RNF150: variants seen among roughly 807,000 people sequenced by gnomAD.
RNF150 encodes the protein ring finger protein 150.
Under a neutral mutation model 39.3 loss-of-function variants are expected in RNF150, and 24 were observed. The ratio of observed to expected loss-of-function variants is 0.61; its 90% CI spans 0.44 to 0.86. The LOEUF (loss-of-function observed/expected upper bound fraction) is 0.86, where lower values mean the gene tolerates loss of function less well. Ranked by LOEUF, RNF150 falls within the 40% of genes least tolerant of loss-of-function variation. The pLI, the probability that RNF150 is intolerant of heterozygous loss-of-function variation, is 0.00. For synonymous variants in RNF150, 255 were observed against 227.3 expected (o/e 1.12, Z -1.10); for missense variants, 502 against 587.8 (o/e 0.85, Z 1.51).
Position 141,073,564 on chromosome 4 carries a change from A to G in RNF150, c.484+58761T>C, listed in dbSNP as rs1737784009. Among the ~76,000 whole-genome samples, 5 of 152,194 alleles carry G rather than the reference A, an allele frequency of 3.3e-5. No individual in the cohort carries two copies. The South Asian group carries it at 1.0e-3, about 32-fold the overall frequency. ...AGGAAGGACTATGTCATTCGCTATT[A>G]CTTACTACTCACAATACTTATTATT... On this transcript the variant is annotated intron_variant, in intron 1 of 6. Transcript: ENST00000515673.
chr4:140,871,765 TTCCA>T lies in RNF150; in HGVS notation c.1199-3390_1199-3387del, dbSNP rs1728955403. Among the ~76,000 whole-genome samples, 3 of 152,348 alleles carry T rather than the reference TTCCA, an allele frequency of 2.0e-5. No homozygotes were observed. In the South Asian group the frequency reaches 6.2e-4, roughly 32 times the overall value. On this transcript the variant is annotated intron_variant, in intron 6 of 6. Coordinates refer to ENST00000515673, the MANE Select transcript of RNF150 (RefSeq NM_020724.2). ...CTTTGCAGCCACCAGCCTCAGCAGATTCCATAGATTCATTCACACCTTGGTTTTT... is the reference window on the plus strand; with the variant it reads ...CTTTGCAGCCACCAGCCTCAGCAGATTAGATTCATTCACACCTTGGTTTTT...
At chr4:141,029,934 C>T (rs1003494979) in intron 1 of RNF150, among the ~76,000 whole-genome samples, 8 of 152,082 alleles carry the variant, frequency 5.3e-5, no homozygotes, top group Non-Finnish European at 1.0e-4. Flanking sequence ...TGGTGGCTCA[C>T]GCCTGTAATC....
intron 1 of RNF150, among the ~76,000 whole-genome samples, chr4:141,120,154 G>A (rs1244932410): frequency 1.6e-4 from 25 of 152,114 alleles, no homozygotes; most frequent in Admixed American, 1.6e-3. Context: ...ATTCCCATGT[G>A]GGAGACAGAC....
chr4:141,087,184 C>A (rs922334615), intron 1 of RNF150, among the ~76,000 whole-genome samples: 1 of 152,046 alleles, frequency 6.6e-6, no homozygotes, highest in African/African-American at 2.4e-5. Context: ...TGTTGCCTTG[C>A]GTTCATAAGT....
At chr4:141,146,837 A>G (rs1027133982) in intron 1 of RNF150, among the ~76,000 whole-genome samples, 1 of 152,200 alleles carries the variant, frequency 6.6e-6, no homozygotes, top group Non-Finnish European at 1.5e-5. Flanking sequence ...TTAAGGAATC[A>G]ATCAACAATA....
intron 1 of RNF150, among the ~76,000 whole-genome samples, chr4:141,165,344 T>C (rs1727582676): frequency 6.6e-6 from 1 of 152,138 alleles, no homozygotes; most frequent in African/African-American, 2.4e-5. Flanking sequence ...CACGCAATAA[T>C]AGTGGGAGAC....
chr4:141,109,062 G>A (rs944461850), intron 1 of RNF150, among the ~76,000 whole-genome samples: 1 of 152,026 alleles, frequency 6.6e-6, no homozygotes, highest in South Asian at 2.1e-4. Flanking sequence ...CCATGTTAAC[G>A]CTCAGAACAC....
intron 6 of RNF150, among the ~76,000 whole-genome samples, chr4:140,873,615 G>A (rs1459439850): frequency 1.3e-5 from 2 of 152,170 alleles, no homozygotes; most frequent in African/African-American, 4.8e-5. Context: ...CTCATTCTCT[G>A]TCTTCAATCT....
At chr4:141,151,354 A>G (rs1328442508) in intron 1 of RNF150, among the ~76,000 whole-genome samples, 2 of 151,702 alleles carry the variant, frequency 1.3e-5, no homozygotes, top group East Asian at 3.9e-4. Flanking sequence ...CAGGGACTCA[A>G]GAGGTCAGGA....
At chr4:141,042,783 C>T (rs1736419218) in intron 1 of RNF150, among the ~76,000 whole-genome samples, 1 of 152,074 alleles carries the variant, frequency 6.6e-6, no homozygotes, top group South Asian at 2.1e-4. Flanking sequence ...TCCCCTTCCG[C>T]CCATGTGTTC....
chr4:140,883,735 T>C (rs1340196700), intron 6 of RNF150, among the ~76,000 whole-genome samples: 2 of 152,180 alleles, frequency 1.3e-5, no homozygotes, highest in African/African-American at 4.8e-5. Flanking sequence ...TTTGGACAAT[T>C]TGATTGTAAT....
chr4:141,016,591 G>A (rs887517887), intron 1 of RNF150, among the ~76,000 whole-genome samples: 3 of 152,174 alleles, frequency 2.0e-5, no homozygotes, highest in African/African-American at 7.2e-5. Flanking sequence ...CAACTGGCTC[G>A]CTCTTGAATT....
chr4:141,106,766 T>C (rs1353955164), intron 1 of RNF150, among the ~76,000 whole-genome samples: 4 of 151,934 alleles, frequency 2.6e-5, no homozygotes, highest in African/African-American at 4.8e-5. Flanking sequence ...TGCACTCCAG[T>C]GTGGGTGAAA....
At chr4:141,187,625 T>G (rs992409036) in intron 1 of RNF150, among the ~76,000 whole-genome samples, 4 of 152,226 alleles carry the variant, frequency 2.6e-5, no homozygotes, top group African/African-American at 9.6e-5. Context: ...TTGTCTTTTT[T>G]GATCTTTGTT....
intron 1 of RNF150, among the ~76,000 whole-genome samples, chr4:141,204,777 C>T (rs1010566355): frequency 6.6e-6 from 1 of 152,122 alleles, no homozygotes; most frequent in African/African-American, 2.4e-5. Flanking sequence ...ACATTTTACA[C>T]TTGCTGAGTT....
chr4:141,043,609 TTTCTA>T (rs1170954477), intron 1 of RNF150, among the ~76,000 whole-genome samples: 5 of 151,696 alleles, frequency 3.3e-5, no homozygotes, highest in Non-Finnish European at 3.0e-5. Context: ...CAGTTTTGGA[TTTCTA>T]TTCTCTTGTT....
chr4:141,040,787 A>G (rs1046618714), intron 1 of RNF150, among the ~76,000 whole-genome samples: 2 of 152,168 alleles, frequency 1.3e-5, no homozygotes, highest in Admixed American at 1.3e-4. Context: ...CTCAACAAGT[A>G]TGGTCAGTAG....
At chr4:141,081,976 C>A (rs1461777439) in intron 1 of RNF150, among the ~76,000 whole-genome samples, 1 of 152,232 alleles carries the variant, frequency 6.6e-6, no homozygotes, top group Non-Finnish European at 1.5e-5. Flanking sequence ...GCATTCAATA[C>A]TGTTTCACTG....
Position 141,133,123 on chromosome 4 carries a change from G to T in RNF150, c.-315C>A, listed in dbSNP as rs972226442. 7 of 316,376 alleles carry T rather than the reference G, an allele frequency of 2.2e-5. No homozygotes were observed. The highest frequency in any genetic ancestry group is 4.1e-5 in the Non-Finnish European group (7 of 170,002). The allele number at this position is 316,376 out of a possible 1,614,324, so 19.6% of individuals were successfully genotyped here. ...GCCGAGCGTCCTGCTCCTTCGCCCG[G>T]CTTCGCCTTCTCTCATAAGGGTGGC... On this transcript the variant is annotated 5_prime_UTR_variant, in exon 1 of 7. Transcript: ENST00000515673.
Sources: allele counts gnomAD v4.1 joint callset (sites outside exome capture counted in the v4.1 genomes callset), GRCh38; gene constraint gnomAD v4.1.1; transcripts MANE v1.5; gene names NCBI Gene and HGNC (gene_info 2026-07-23, HGNC 2026-07-21).